Variants in PCDHGA5 observed in about 807,000 individuals in gnomAD.
The protein encoded by PCDHGA5 is protocadherin gamma-A5.
In PCDHGA5, 36 loss-of-function variants were observed where a neutral mutation model predicts 56.7. The ratio of observed to expected loss-of-function variants is 0.64; its 90% CI spans 0.49 to 0.84. The LOEUF (loss-of-function observed/expected upper bound fraction) is 0.84. Ranked by LOEUF, PCDHGA5 falls within the 40% of genes least tolerant of loss-of-function variation. The probability of loss-of-function intolerance (pLI) is 0.00; values close to 1 mark genes in which losing one functional copy is unlikely to be tolerated. For missense variants in PCDHGA5, 1,305 were observed against 1,201.5 expected (o/e 1.09, Z -1.27); for synonymous variants, 563 against 520.2 (o/e 1.08, Z -1.12).
chr5:141,415,740 G>GTTTTTTTTTT lies in PCDHGA5; in HGVS notation c.2421+49012_2421+49021dup, dbSNP rs57426385. 90 of 625,044 alleles carry GTTTTTTTTTT rather than the reference G, an allele frequency of 1.4e-4. 1 individual carries two copies. The highest frequency in any genetic ancestry group is 4.1e-4 in the East Asian group (6 of 14,742). The allele number at this position is 625,044 out of a possible 1,614,324, so 38.7% of individuals were successfully genotyped here. On this transcript the variant is annotated intron_variant, in intron 1 of 3. Coordinates refer to ENST00000518069, the MANE Select transcript of PCDHGA5 (RefSeq NM_018918.3). ...TGAGTAGAATTTGATGTTTATTAAG[G>GTTTTTTTTTT]TTTTTTTTTTTTTTTTTTTTTTTTT...
rs1023379892 is a variant in PCDHGA5 at position 141,475,927 on chromosome 5, G to T, written c.2422-18880G>T. 1.3e-4 allele frequency: 80 copies of T among 628,362 alleles called. No individual in the cohort carries two copies. In the African/African-American group the frequency reaches 1.4e-3, roughly 11 times the overall value. The allele number at this position is 628,362 out of a possible 1,614,324, so 38.9% of individuals were successfully genotyped here. ...CGGCCAATGAAGACGCTGGAGATCG[G>T]GCCCCTGCCCGTCCCCTTTCTGCGC... On this transcript the variant is annotated intron_variant, in intron 1 of 3. Coordinates refer to ENST00000518069, the MANE Select transcript of PCDHGA5 (RefSeq NM_018918.3).
Position 141,510,956 on chromosome 5 carries a change from A to T in PCDHGA5, c.2579A>T (p.Asp860Val). 1 of 1,614,104 alleles carries T rather than the reference A, an allele frequency of 6.2e-7. No homozygotes were observed. The highest frequency in any genetic ancestry group is 8.5e-7 in the Non-Finnish European group (1 of 1,179,996). The change falls in exon 4 of 4, where the codon GAT becomes GTT. Residue 860 changes from aspartate to valine, a missense_variant. Asp to Val is a radical substitution (Grantham distance 152). Transcript: ENST00000518069. ...MILASASEAA[D>V]GSSTLGGGAG... ...TCCTCTGTCTCTGCAGAAGCTGCTG[A>T]TGGGAGCTCCACCCTGGGAGGGGGT...
chr5:141,414,469 G>T (rs944183814), intron 1 of PCDHGA5: 1 of 1,613,742 alleles, frequency 6.2e-7, no homozygotes, highest in African/African-American at 1.3e-5. Context: ...CACAGATGGG[G>T]GAAGTCCTCC....
chr5:141,423,674 C>G (rs57195665), intron 1 of PCDHGA5: 15 of 1,514,742 alleles, frequency 9.9e-6, no homozygotes, highest in African/African-American at 2.9e-5. Flanking sequence ...AGATTTATTT[C>G]TCTGCCTCCT....
chr5:141,388,204 A>T lies in PCDHGA5; in HGVS notation c.2421+21453A>T, dbSNP rs746829885. ...AAGCCAGCTTGTGCTCTGGAATTTG[A>T]GGCTGTTGCTGAAAATCCACTGAAC... On this transcript the variant is annotated intron_variant, in intron 1 of 3. Coordinates refer to ENST00000518069, the MANE Select transcript of PCDHGA5 (RefSeq NM_018918.3). 9 of 1,575,744 alleles carry T rather than the reference A, an allele frequency of 5.7e-6. No homozygotes were observed. The Admixed American group carries it at 1.5e-4, about 27-fold the overall frequency.
chr5:141,396,347 G>A (rs765584625), intron 1 of PCDHGA5: 21 of 152,416 alleles, frequency 1.4e-4, no homozygotes, highest in Non-Finnish European at 2.5e-4. Context: ...GGCCGGGTGC[G>A]GTGGCTCACG....
At position 141,393,567 on chromosome 5, in the gene PCDHGA5, C is replaced by T. The variant is rs766591189; in HGVS notation, c.2421+26816C>T. 6 of 1,613,798 alleles carry T rather than the reference C, an allele frequency of 3.7e-6. No homozygotes were observed. The African/African-American group carries it at 6.7e-5, about 18-fold the overall frequency. ...TCACCCGATTTACCGAGTGAAAGTC[C>T]TTGAGAACATGCCCCCAGGCACGCG... On this transcript the variant is annotated intron_variant, in intron 1 of 3. Transcript: ENST00000518069.
intron 1 of PCDHGA5, chr5:141,397,999 G>GA (rs2093596115): frequency 2.9e-6 from 4 of 1,387,690 alleles, no homozygotes; most frequent in African/African-American, 2.9e-5. Flanking sequence ...TTCCTCCTCG[G>GA]AAAAAGAATC....
Position 141,490,310 on chromosome 5 carries a change from A to G in PCDHGA5, c.2422-4497A>G. 2 of 1,614,082 alleles carry G rather than the reference A, an allele frequency of 1.2e-6. No homozygotes were observed. Among genetic ancestry groups the G allele is most frequent in the South Asian group, 2.2e-5 (2 of 91,078 alleles). ...GAGGTGCTATTGGCCTCTTTGGCCA[A>G]CCCTGTCCTAGAGAGCACACCAGTG... On this transcript the variant is annotated intron_variant, in intron 1 of 3. Transcript: ENST00000518069. The surrounding 1 kb of genome is among the most constrained non-coding windows in gnomAD (Gnocchi z 5.4).
chr5:141,502,516 A>G (rs947349505), intron 2 of PCDHGA5, among the ~76,000 whole-genome samples: 1 of 152,146 alleles, frequency 6.6e-6, no homozygotes, highest in African/African-American at 2.4e-5. Flanking sequence ...TCCCACTATC[A>G]GTGATGCCGA....
At position 141,410,845 on chromosome 5, in the gene PCDHGA5, TTGTC is replaced by T. The variant is rs1434874838; in HGVS notation, c.2421+44096_2421+44099del. 23 of 429,726 alleles carry T rather than the reference TTGTC, an allele frequency of 5.4e-5. 1 individual carries two copies. Among genetic ancestry groups the T allele is most frequent in the Admixed American group, 8.8e-5 (2 of 22,654 alleles). The allele number at this position is 429,726 out of a possible 1,614,324, so 26.6% of individuals were successfully genotyped here. A position where few individuals can be genotyped will look rare whatever the true frequency, so the allele number is the denominator to read the frequency against. Reference sequence around the variant, plus strand: ...TCACCAGACTGAAGATATTTTGTCTTTGTCTTTTTTTTTTTTTTTTTTTTTTGAG... The same window carrying T: ...TCACCAGACTGAAGATATTTTGTCTTTTTTTTTTTTTTTTTTTTTTTTGAG... On this transcript the variant is annotated intron_variant, in intron 1 of 3. Transcript: ENST00000518069.
intron 1 of PCDHGA5, among the ~76,000 whole-genome samples, chr5:141,466,826 G>A (rs978548667): frequency 1.2e-4 from 18 of 152,056 alleles, no homozygotes; most frequent in Admixed American, 8.5e-4. Flanking sequence ...TAACAAGTTA[G>A]TATGGGTTTA....
chr5:141,403,620 C>T (rs1561689160), intron 1 of PCDHGA5: 1 of 1,613,916 alleles, frequency 6.2e-7, no homozygotes, highest in Non-Finnish European at 8.5e-7. Context: ...CCGCGTCGCT[C>T]CAGCACAGTG....
intron 1 of PCDHGA5, among the ~76,000 whole-genome samples, chr5:141,406,372 T>C (rs1010742441): frequency 1.3e-5 from 2 of 152,204 alleles, no homozygotes; most frequent in African/African-American, 4.8e-5. Flanking sequence ...AAGGGTAAAC[T>C]GATAAAAAGG....
intron 1 of PCDHGA5, among the ~76,000 whole-genome samples, chr5:141,381,686 AAAC>A (rs1269227136): frequency 2.6e-5 from 4 of 152,308 alleles, no homozygotes; most frequent in Non-Finnish European, 4.4e-5. Context: ...CAGCCAAGAC[AAAC>A]AACGATTTCT....
rs547129690 is a variant in PCDHGA5, at chr5:141,385,366, C to A, written c.2421+18615C>A. On this transcript the variant is annotated intron_variant, in intron 1 of 3. Transcript: ENST00000518069. ...TTTATTTCCATGAGGAATTTATTTG[C>A]ATGATATTTCTCTATTATTTTGCAA... The A allele has an allele frequency of 5.9e-6, 9 of 1,535,728 alleles. No individual in the cohort carries two copies. The South Asian group carries it at 9.0e-5, about 15-fold the overall frequency.
At chr5:141,366,924 G>T in intron 1 of PCDHGA5, 173 bp downstream of exon 1, 1 of 997,638 alleles carries the variant, frequency 1.0e-6, no homozygotes, top group Non-Finnish European at 1.4e-6. Flanking sequence ...TTCAAATTCT[G>T]TTTTGGGAAG....
At chr5:141,507,611 A>G (rs2099862056) in intron 3 of PCDHGA5, among the ~76,000 whole-genome samples, 1 of 152,258 alleles carries the variant, frequency 6.6e-6, no homozygotes, top group South Asian at 2.1e-4. Flanking sequence ...AAACAGGTAT[A>G]TTTAGCTGTT....
intron 1 of PCDHGA5, chr5:141,385,549 C>G (rs2090279237): frequency 7.6e-7 from 1 of 1,316,048 alleles, no homozygotes; most frequent in Non-Finnish European, 9.7e-7. Context: ...TGGACTATCA[C>G]ATTTTATAAT....
Sources: gnomAD v4.1 joint callset for allele counts (sites outside exome capture counted in the v4.1 genomes callset) on GRCh38, gnomAD v4.1.1 for gene constraint, Gnocchi (gnomAD v3.1) non-coding constraint, MANE v1.5 for transcripts, NCBI Gene and HGNC (gene_info 2026-07-23, HGNC 2026-07-21) for gene names.